The following EBF2 variants were observed in gnomAD, a reference collection of about 807,000 sequenced individuals.
EBF2 encodes the protein EBF transcription factor 2.
In EBF2, 21 loss-of-function variants were observed where a neutral mutation model predicts 72.8. The ratio of observed to expected loss-of-function variants is 0.29; its 90% CI spans 0.20 to 0.42. The LOEUF (loss-of-function observed/expected upper bound fraction) is 0.42. EBF2 is among the 10% of genes least tolerant of loss of function. The pLI, the probability that EBF2 is intolerant of heterozygous loss-of-function variation, is 1.00. For synonymous variants in EBF2, 299 were observed against 274.2 expected (o/e 1.09, Z -0.89); for missense variants, 637 against 731.2 (o/e 0.87, Z 1.49).
intron 6 of EBF2, among the ~76,000 whole-genome samples, chr8:25,988,577 A>G (rs1804497712): frequency 6.6e-6 from 1 of 152,228 alleles, no homozygotes; most frequent in African/African-American, 2.4e-5. Flanking sequence ...TATTTATTGA[A>G]TAACTTCCAT....
At chr8:25,962,028 AT>A (rs1554475838) in intron 6 of EBF2, among the ~76,000 whole-genome samples, 1 of 152,168 alleles carries the variant, frequency 6.6e-6, no homozygotes, top group Non-Finnish European at 1.5e-5. Context: ...TAAGGAATAC[AT>A]ATTTATTAGA....
chr8:25,924,048 G>A (rs371458751), intron 6 of EBF2, among the ~76,000 whole-genome samples: 3 of 152,294 alleles, frequency 2.0e-5, no homozygotes, highest in Non-Finnish European at 4.4e-5. Flanking sequence ...GTAGGAGGCA[G>A]TGTGACCTAG....
chr8:25,995,113 C>A (rs182590428), intron 6 of EBF2, among the ~76,000 whole-genome samples: 1 of 152,204 alleles, frequency 6.6e-6, no homozygotes, highest in African/African-American at 2.4e-5. Flanking sequence ...CGAGACCAGC[C>A]TGACCAACAT....
At position 26,044,659 on chromosome 8, in the gene EBF2, G is replaced by A; in HGVS notation, c.131+70C>T. 1 of 1,562,172 alleles carries A rather than the reference G, an allele frequency of 6.4e-7. No individual in the cohort carries two copies. The highest frequency in any genetic ancestry group is 8.7e-7 in the Non-Finnish European group (1 of 1,147,964). On this transcript the variant is annotated intron_variant, in intron 1 of 15. Coordinates refer to ENST00000520164, the MANE Select transcript of EBF2 (RefSeq NM_022659.4). This position sits in a 1 kb window ranked among gnomAD's most constrained non-coding sequence, Gnocchi z 4.1. ...GAGAGAAAGGCACGGGGTGCGCGGGGGGGGTGCACACGGAGAGACAGACCG... is the reference window on the plus strand; with the variant it reads ...GAGAGAAAGGCACGGGGTGCGCGGGAGGGGTGCACACGGAGAGACAGACCG...
rs186634756 is a variant in EBF2, at chr8:25,903,134, T to C, written c.633+5340A>G. Among the ~76,000 whole-genome samples, 216 of 152,000 alleles carry C rather than the reference T, an allele frequency of 1.4e-3. 1 individual carries two copies. The highest frequency in any genetic ancestry group is 5.0e-3 in the African/African-American group (208 of 41,424). ...GAGATATTCTGACACAGGCATACAA[T>C]GCACAGTAATCACATCAGGGTAAAT... On this transcript the variant is annotated intron_variant, in intron 7 of 15. Coordinates refer to ENST00000520164, the MANE Select transcript of EBF2 (RefSeq NM_022659.4).
chr8:25,883,134 T>C (rs1014964748), intron 10 of EBF2, among the ~76,000 whole-genome samples: 1 of 152,240 alleles, frequency 6.6e-6, no homozygotes, highest in Non-Finnish European at 1.5e-5. Flanking sequence ...CCTTAATCTC[T>C]AAAATTATTT....
At chr8:25,864,800 T>TC (rs1491471192) in intron 10 of EBF2, among the ~76,000 whole-genome samples, 2 of 70,654 alleles carry the variant, frequency 2.8e-5, no homozygotes, top group Non-Finnish European at 5.9e-5. Context: ...TTCTCAACTA[T>TC]TTTTTTTTTT....
intron 11 of EBF2, 135 bp downstream of exon 11, chr8:25,862,574 G>T: frequency 1.1e-5 from 5 of 467,660 alleles, no homozygotes; most frequent in Non-Finnish European, 1.9e-5. Context: ...GATATTTTAT[G>T]TGCATCTCGT....
chr8:26,038,431 A>C (rs576682031), intron 5 of EBF2, among the ~76,000 whole-genome samples: 3 of 152,202 alleles, frequency 2.0e-5, no homozygotes, highest in Non-Finnish European at 2.9e-5. Flanking sequence ...CTTAAAAATA[A>C]AAATGTCAGT....
At chr8:25,980,166 GA>G (rs1804336995) in intron 6 of EBF2, among the ~76,000 whole-genome samples, 1 of 152,116 alleles carries the variant, frequency 6.6e-6, no homozygotes. Context: ...GCGGGGGTGG[GA>G]GGGGCATCCT....
At chr8:26,001,179 A>C (rs1175781217) in intron 6 of EBF2, among the ~76,000 whole-genome samples, 1 of 152,174 alleles carries the variant, frequency 6.6e-6, no homozygotes, top group Non-Finnish European at 1.5e-5. Context: ...CTCAAAGAGC[A>C]CCATTCTGAC....
chr8:25,850,481 C>CAAAGCATCTCTTTGCAGGTA (rs1801941135), intron 15 of EBF2, 113 bp downstream of exon 15: 2 of 1,291,782 alleles, frequency 1.5e-6, no homozygotes, highest in Non-Finnish European at 1.0e-6. Context: ...ATAAGAACAG[C>CAAAGCATCTCTTTGCAGGTA]AAAGCATCTC....
intron 15 of EBF2, among the ~76,000 whole-genome samples, 157 bp from the exon 16 acceptor site, chr8:25,844,797 G>A (rs994591994): frequency 6.6e-6 from 1 of 152,122 alleles, no homozygotes; most frequent in African/African-American, 2.4e-5. Context: ...TCCAGGTTTG[G>A]TCTAGCAGAC....
At chr8:25,897,612 C>A (rs920721398) in intron 7 of EBF2, among the ~76,000 whole-genome samples, 12 of 152,162 alleles carry the variant, frequency 7.9e-5, no homozygotes, top group Non-Finnish European at 1.6e-4. Flanking sequence ...TGAGAACATG[C>A]AGTATTTGGT....
chr8:25,913,245 A>T (rs911310182), intron 6 of EBF2, among the ~76,000 whole-genome samples: 7 of 152,232 alleles, frequency 4.6e-5, no homozygotes, highest in African/African-American at 1.7e-4. Context: ...GATCGAGACC[A>T]TCCTGACCAA....
chr8:25,900,570 ACT>A (rs2117304880), intron 7 of EBF2, among the ~76,000 whole-genome samples: 1 of 152,204 alleles, frequency 6.6e-6, no homozygotes, highest in East Asian at 1.9e-4. Context: ...CCCTAGCATG[ACT>A]CTGTAAATTA....
Position 26,044,827 on chromosome 8 carries a change from T to A in EBF2, c.33A>T (p.Gly11=). 6.2e-7 allele frequency: 1 copy of A among 1,614,120 alleles called. No homozygotes were observed. Among genetic ancestry groups the A allele is most frequent in the Non-Finnish European group, 8.5e-7 (1 of 1,180,024 alleles). Residue 11 remains glycine (G), a synonymous_variant, in exon 1 of 16, where the codon GGA becomes GGT. Transcript: ENST00000520164. The surrounding 1 kb of genome is among the most constrained non-coding windows in gnomAD (Gnocchi z 4.1). ...CCAGCGATTTCTCTTTCAGAGTTGG[T>A]CCTCTTCCTAAAGTATCTTGAATTC... MFGIQDTLGR[G]PTLKEKSLGA...
At chr8:25,943,818 C>T (rs980480568) in intron 6 of EBF2, among the ~76,000 whole-genome samples, 3 of 152,150 alleles carry the variant, frequency 2.0e-5, no homozygotes, top group Non-Finnish European at 4.4e-5. Flanking sequence ...TGATTTGGAA[C>T]GTCATTTTCC....
chr8:26,039,894 C>G (rs993287965), intron 5 of EBF2, 134 bp downstream of exon 5: 1 of 837,084 alleles, frequency 1.2e-6, no homozygotes, highest in African/African-American at 1.7e-5. Context: ...CTACACTCTG[C>G]GCCCGTCTGC....
Sources: gnomAD v4.1 joint callset for allele counts (sites outside exome capture counted in the v4.1 genomes callset) on GRCh38, gnomAD v4.1.1 for gene constraint, Gnocchi (gnomAD v3.1) non-coding constraint, MANE v1.5 for transcripts, NCBI Gene and HGNC (gene_info 2026-07-23, HGNC 2026-07-21) for gene names.